ABCC8: variants seen among roughly 807,000 people sequenced by gnomAD.
The protein encoded by ABCC8 is ATP-binding cassette sub-family C member 8.
A neutral mutation model predicts 188.0 loss-of-function variants in ABCC8; 137 were observed. The ratio of observed to expected loss-of-function variants is 0.73; its 90% confidence interval spans 0.63 to 0.84. The LOEUF is 0.84. ABCC8 is among the 40% of genes least tolerant of loss of function. The pLI is 0.00. For missense variants in ABCC8, 1,750 were observed against 2,072.7 expected, an observed-to-expected ratio of 0.84 and a Z score of 3.02; for synonymous variants, 797 against 846.5, an observed-to-expected ratio of 0.94 and a Z score of 1.01.
chr11:17,398,292 G>T, intron 30 of ABCC8, 47 bp downstream of exon 30: 1 of 1,607,514 alleles, frequency 6.2e-7, no homozygotes, highest in Non-Finnish European at 8.5e-7. Flanking sequence ...TCTTGCTCTG[G>T]CCCCACCCTC....
chr11:17,431,013 C>T, intron 11 of ABCC8, 54 bp from the exon 12 acceptor site: 1 of 1,601,710 alleles, frequency 6.2e-7, no homozygotes, highest in Non-Finnish European at 8.5e-7. Context: ...GGGTCCCTCC[C>T]ACACTGGAAA....
At chr11:17,466,053 T>C (rs976235135) in intron 3 of ABCC8, among the ~76,000 whole-genome samples, 1 of 152,162 alleles carries the variant, frequency 6.6e-6, no homozygotes. Context: ...CAATACATGC[T>C]ACAACATGGA....
intron 5 of ABCC8, chr11:17,461,323 C>T: frequency 3.7e-6 from 2 of 541,096 alleles, no homozygotes; most frequent in Non-Finnish European, 6.7e-6. Context: ...CTCAGAGCCT[C>T]AGTTTCCCCA....
chr11:17,408,123 G>A (rs1954628684), intron 23 of ABCC8: 1 of 369,130 alleles, frequency 2.7e-6, no homozygotes, highest in East Asian at 5.1e-5. Flanking sequence ...AGTTTTCTTT[G>A]CCAGTTTGAG....
In ABCC8 at chr11:17,461,712, C is replaced by G; in HGVS notation, c.693G>C (p.Trp231Cys). 6.2e-7 allele frequency: 1 copy of G among 1,614,198 alleles called. No individual in the cohort carries two copies. The highest frequency in any genetic ancestry group is 8.5e-7 in the Non-Finnish European group (1 of 1,180,036). The change falls in exon 5 of 39, where the codon TGG (tryptophan) becomes TGC (cysteine). Residue 231 changes from tryptophan to cysteine, a missense_variant. Transcript: ENST00000389817. ...CAGTCTTGATGAAGGCGTTCATCCACCAGTAGGTGCCTTTGGACAGCAGAT... is the reference window on the plus strand; with the variant it reads ...CAGTCTTGATGAAGGCGTTCATCCAGCAGTAGGTGCCTTTGGACAGCAGAT... Reference protein sequence around the residue: ...FVNLLSKGTYWWMNAFIKTAH... With the variant: ...FVNLLSKGTYCWMNAFIKTAH...
In ABCC8 at chr11:17,415,393, T is replaced by C. The variant is rs977873146; in HGVS notation, c.2256-54A>G. ...GCTCTCATGGGAGTGAACCATATCC[T>C]CCAGGAAGATCCTGAGCTCCCTCCA... is the stretch of plus-strand genomic sequence containing the variant. On this transcript the variant is annotated intron_variant, in intron 17 of 38. Coordinates refer to ENST00000389817, the MANE Select transcript of ABCC8 (RefSeq NM_000352.6). 41 of 1,586,724 alleles carry C rather than the reference T, an allele frequency of 2.6e-5. No homozygotes were observed. In the African/African-American group the frequency reaches 4.8e-4, roughly 19 times the overall value.
intron 29 of ABCC8, among the ~76,000 whole-genome samples, chr11:17,399,753 C>G (rs537002411): frequency 6.6e-6 from 1 of 152,202 alleles, no homozygotes. Flanking sequence ...CTGGCACTAT[C>G]AATAAATATT....
intron 16 of ABCC8, among the ~76,000 whole-genome samples, chr11:17,418,721 A>G (rs1314741620): frequency 2.0e-5 from 3 of 152,166 alleles, no homozygotes; most frequent in Non-Finnish European, 4.4e-5. Context: ...GCACTGCTCA[A>G]TTAGCCCTCA....
intron 2 of ABCC8, among the ~76,000 whole-genome samples, chr11:17,471,173 G>T (rs1267923528): frequency 1.3e-5 from 2 of 152,178 alleles, no homozygotes. Context: ...TGTGCCAAGG[G>T]TCCCTGCCCT....
In ABCC8 at chr11:17,406,873, G is replaced by T. The variant is rs1185574821; in HGVS notation, c.3162+15C>A. On this transcript the variant is annotated intron_variant, in intron 25 of 38. Coordinates refer to ENST00000389817, the MANE Select transcript of ABCC8 (RefSeq NM_000352.6). ...ATCCCCACTCCCAACCTCTGCCATGGGCCGCCAGTCACACCTGGCTGAGGG... is the reference window on the plus strand; with the variant it reads ...ATCCCCACTCCCAACCTCTGCCATGTGCCGCCAGTCACACCTGGCTGAGGG... The T allele has an allele frequency of 6.2e-7, 1 of 1,614,098 alleles. No individual in the cohort carries two copies. Among genetic ancestry groups the T allele is most frequent in the Non-Finnish European group, 8.5e-7 (1 of 1,180,032 alleles).
At chr11:17,465,787 G>A (rs139233934) in intron 3 of ABCC8, among the ~76,000 whole-genome samples, 1 of 152,142 alleles carries the variant, frequency 6.6e-6, no homozygotes, top group Non-Finnish European at 1.5e-5. Context: ...ATCATCATGC[G>A]TCCTCTGTAT....
chr11:17,410,815 T>C (rs1250815914), intron 21 of ABCC8, 162 bp from the exon 22 acceptor site: 6 of 686,128 alleles, frequency 8.7e-6, no homozygotes, highest in Non-Finnish European at 7.2e-6. Flanking sequence ...CTCTGGGCCT[T>C]GGTTACCTCA....
intron 16 of ABCC8, among the ~76,000 whole-genome samples, chr11:17,426,622 C>T (rs1955593686): frequency 6.6e-6 from 1 of 152,006 alleles, no homozygotes; most frequent in South Asian, 2.1e-4. Context: ...CAGGACCAAG[C>T]TGGAAACCAA....
At chr11:17,463,091 A>G (rs1464953200) in intron 4 of ABCC8, among the ~76,000 whole-genome samples, 1 of 152,152 alleles carries the variant, frequency 6.6e-6, no homozygotes, top group Admixed American at 6.5e-5. Context: ...CAGCGTGACG[A>G]TATGAATACA....
chr11:17,399,946 C>T (rs1428825652), intron 29 of ABCC8, among the ~76,000 whole-genome samples: 1 of 152,230 alleles, frequency 6.6e-6, no homozygotes, highest in Non-Finnish European at 1.5e-5. Flanking sequence ...TCCTTGGCCG[C>T]TTCCCTCAGA....
intron 2 of ABCC8, among the ~76,000 whole-genome samples, chr11:17,473,487 T>C (rs1213325240): frequency 6.6e-6 from 1 of 152,120 alleles, no homozygotes; most frequent in African/African-American, 2.4e-5. Context: ...GCCATCCAAC[T>C]ACAGGAGCCA....
chr11:17,436,849 G>A (rs1435764316), intron 10 of ABCC8, among the ~76,000 whole-genome samples: 1 of 152,190 alleles, frequency 6.6e-6, no homozygotes, highest in Non-Finnish European at 1.5e-5. Context: ...AGCACTCTGG[G>A]AGGCCAAGGT....
At chr11:17,473,225 C>T (rs1199624787) in intron 2 of ABCC8, among the ~76,000 whole-genome samples, 4 of 151,580 alleles carry the variant, frequency 2.6e-5, no homozygotes, top group African/African-American at 9.7e-5. Flanking sequence ...TATTTCCCAT[C>T]TGAGGGCTCA....
intron 10 of ABCC8, among the ~76,000 whole-genome samples, chr11:17,442,096 G>T (rs1373358817): frequency 1.3e-5 from 2 of 151,994 alleles, no homozygotes; most frequent in African/African-American, 2.4e-5. Context: ...AGAAAAAAAA[G>T]TTTTACATTC....
Sources: allele counts gnomAD v4.1 joint callset (sites outside exome capture counted in the v4.1 genomes callset), GRCh38; gene constraint gnomAD v4.1.1; transcripts MANE v1.5; gene names NCBI Gene and HGNC (gene_info 2026-07-23, HGNC 2026-07-21).